BTF3L4: variants seen among roughly 807,000 people sequenced by gnomAD.
BTF3L4 encodes basic transcription factor 3 like 4.
BTF3L4 carries 6 observed loss-of-function variants against 16.8 expected under a neutral mutation model. That is an observed-to-expected ratio of 0.36 (90% CI 0.20 to 0.71). BTF3L4 has a LOEUF of 0.71. BTF3L4 is among the 30% of genes least tolerant of loss of function. BTF3L4 has a pLI of 0.58. For missense variants in BTF3L4, 92 were observed against 186.9 expected, an observed-to-expected ratio of 0.49 and a Z score of 2.96; for synonymous variants, 39 against 59.8, an observed-to-expected ratio of 0.65 and a Z score of 1.60.
At chr1:52,059,736 C>A in intron 1 of BTF3L4, 99 bp from the exon 2 acceptor site, 1 of 865,678 alleles carries the variant, frequency 1.2e-6, no homozygotes, top group Non-Finnish European at 1.9e-6. Context: ...GGTGTTGATG[C>A]ATACTACAAG....
intron 3 of BTF3L4, among the ~76,000 whole-genome samples, chr1:52,079,381 CAA>C (rs11441352): frequency 5.5e-5 from 7 of 126,330 alleles, no homozygotes; most frequent in African/African-American, 3.0e-5. Context: ...GACTCCATCT[CAA>C]AAAAAAAAAA....
chr1:52,081,048 C>T (rs1643915200), intron 3 of BTF3L4, among the ~76,000 whole-genome samples: 1 of 151,722 alleles, frequency 6.6e-6, no homozygotes, highest in Non-Finnish European at 1.5e-5. Context: ...CCATGTTGGC[C>T]AGGATGGTCT....
At chr1:52,067,833 G>A (rs77641225) in intron 3 of BTF3L4, among the ~76,000 whole-genome samples, 11,115 of 152,158 alleles carry the variant, frequency 0.073, 500 homozygotes, top group African/African-American at 0.13. Flanking sequence ...GAGCTGTCCT[G>A]TGCATTACAG....
intron 3 of BTF3L4, among the ~76,000 whole-genome samples, chr1:52,080,560 G>T: frequency 9.2e-6 from 1 of 109,102 alleles, no homozygotes; most frequent in African/African-American, 3.7e-5. Context: ...TTGAGACGGA[G>T]TCTGACTCTG....
intron 1 of BTF3L4, among the ~76,000 whole-genome samples, chr1:52,056,763 AG>A (rs1307383244): frequency 1.3e-5 from 2 of 152,248 alleles, no homozygotes; most frequent in African/African-American, 4.8e-5. Flanking sequence ...GTCTACAGAT[AG>A]GGAAGCTGAG....
intron 4 of BTF3L4, 75 bp from the exon 5 acceptor site, chr1:52,086,037 A>T (rs1453775361): frequency 3.1e-6 from 3 of 970,696 alleles, no homozygotes; most frequent in African/African-American, 1.7e-5. Flanking sequence ...TATACAGGAA[A>T]AAAGGGATAA....
chr1:52,071,931 CTGTGTGTGTGTGTGTGTGTGTGTG>C (rs59491944), intron 3 of BTF3L4, among the ~76,000 whole-genome samples: 1 of 127,972 alleles, frequency 7.8e-6, no homozygotes, highest in Middle Eastern at 4.0e-3. Context: ...GTTTTTTACT[CTGTGTGTGTGTGTGTGTGTGTGTG>C]TGTGTGTGTG....
chr1:52,068,354 T>C (rs1686705122), intron 3 of BTF3L4, among the ~76,000 whole-genome samples: 1 of 152,208 alleles, frequency 6.6e-6, no homozygotes, highest in African/African-American at 2.4e-5. Context: ...TACAAGATAT[T>C]CTGCATGGCC....
chr1:52,057,113 G>T (rs1304846035), intron 1 of BTF3L4, among the ~76,000 whole-genome samples: 1 of 152,204 alleles, frequency 6.6e-6, no homozygotes, highest in African/African-American at 2.4e-5. Flanking sequence ...CTTTCCAAAT[G>T]CAGGAGGAAT....
At chr1:52,074,235 A>G (rs77641918) in intron 3 of BTF3L4, among the ~76,000 whole-genome samples, 6 of 151,728 alleles carry the variant, frequency 4.0e-5, no homozygotes, top group East Asian at 3.9e-4. Flanking sequence ...GTCTCACTCT[A>G]TGCCCAGGCT....
chr1:52,086,144 A>G lies in BTF3L4; in HGVS notation c.403A>G (p.Ile135Val). The G allele has an allele frequency of 1.2e-6, 2 of 1,611,424 alleles. No individual in the cohort carries two copies. The highest frequency in any genetic ancestry group is 1.7e-6 in the Non-Finnish European group (2 of 1,178,834). ...CAGTAAAGCACCAAAACCAGAAGACATTGATGAGGAAGATGATGATGTTCC... is the reference window on the plus strand; with the variant it reads ...CAGTAAAGCACCAAAACCAGAAGACGTTGATGAGGAAGATGATGATGTTCC... ...LDSKAPKPED[I>V]DEEDDDVPDL... Residue 135 changes from isoleucine to valine, a missense_variant, in exon 5 of 6, where the codon ATT (isoleucine) becomes GTT (valine). By Grantham distance (29) the Ile-to-Val change is conservative. Transcript: ENST00000313334.
intron 3 of BTF3L4, among the ~76,000 whole-genome samples, chr1:52,069,848 A>G (rs1322628405): frequency 3.9e-5 from 6 of 152,210 alleles, no homozygotes; most frequent in Non-Finnish European, 1.5e-5. Context: ...CACTAACATT[A>G]GTACTATCCA....
chr1:52,057,117 G>A (rs1686387441), intron 1 of BTF3L4, among the ~76,000 whole-genome samples: 1 of 152,196 alleles, frequency 6.6e-6, no homozygotes. Flanking sequence ...CCAAATGCAG[G>A]AGGAATACAA....
At chr1:52,082,306 T>G (rs1643931938) in intron 3 of BTF3L4, among the ~76,000 whole-genome samples, 1 of 152,184 alleles carries the variant, frequency 6.6e-6, no homozygotes, top group Non-Finnish European at 1.5e-5. Context: ...GTGAAAGTTA[T>G]GGAAAGAATG....
In BTF3L4 at chr1:52,086,163, A is replaced by G; in HGVS notation, c.422A>G (p.Asp141Gly). The G allele has an allele frequency of 6.2e-7, 1 of 1,611,206 alleles. No homozygotes were observed. Among genetic ancestry groups the G allele is most frequent in the Non-Finnish European group, 8.5e-7 (1 of 1,178,600 alleles). Reference sequence around the variant, plus strand: ...GAAGACATTGATGAGGAAGATGATGATGTTCCAGGTAAGTGACATTTCCTT... The same window carrying G: ...GAAGACATTGATGAGGAAGATGATGGTGTTCCAGGTAAGTGACATTTCCTT... ...KPEDIDEEDD[D>G]VPDLVENFDE... The change falls in exon 5 of 6, where the codon GAT (aspartate) becomes GGT (glycine). Residue 141 changes from aspartate (D) to glycine (G), a missense_variant. Transcript: ENST00000313334.
chr1:52,060,586 C>G (rs1686484041), intron 2 of BTF3L4: 2 of 1,167,194 alleles, frequency 1.7e-6, no homozygotes. Flanking sequence ...GGAGAATATT[C>G]TACCCATATC....
chr1:52,060,527 G>A (rs1686483027), intron 2 of BTF3L4: 2 of 1,242,374 alleles, frequency 1.6e-6, no homozygotes, highest in Non-Finnish European at 2.1e-6. Flanking sequence ...AGAACTAGTT[G>A]TGAGCAACTG....
At chr1:52,079,400 AAG>A (rs989782203) in intron 3 of BTF3L4, among the ~76,000 whole-genome samples, 33 of 151,476 alleles carry the variant, frequency 2.2e-4, no homozygotes, top group Non-Finnish European at 3.4e-4. Flanking sequence ...AAAAAAAAGA[AAG>A]AAAATATTCT....
rs775501204 is a variant in BTF3L4 at position 52,060,450 on chromosome 1, T to C, written c.54+549T>C. On this transcript the variant is annotated intron_variant, in intron 2 of 5. Coordinates refer to ENST00000313334, the MANE Select transcript of BTF3L4 (RefSeq NM_152265.5). Reference sequence around the variant, plus strand: ...CAGGTTTTCCTCACAAATTCTTACCTGTTCTTCCATGTTGGTGAATATGAA... The same window carrying C: ...CAGGTTTTCCTCACAAATTCTTACCCGTTCTTCCATGTTGGTGAATATGAA... 24 of 1,270,378 alleles carry C rather than the reference T, an allele frequency of 1.9e-5. 1 individual carries two copies. In the South Asian group the frequency reaches 2.9e-4, roughly 15 times the overall value. 78.7% of individuals were successfully genotyped at this position (1,270,378 alleles called of 1,614,324 possible). A position where few individuals can be genotyped will look rare whatever the true frequency, so the allele number is the denominator to read the frequency against.
Sources: allele counts gnomAD v4.1 joint callset (sites outside exome capture counted in the v4.1 genomes callset), GRCh38; gene constraint gnomAD v4.1.1; transcripts MANE v1.5; gene names NCBI Gene and HGNC (gene_info 2026-07-23, HGNC 2026-07-21).